The following TAFA1 variants were observed in gnomAD, a reference collection of about 807,000 sequenced individuals.
TAFA1 encodes chemokine-like protein TAFA-1.
TAFA1 carries 4 observed loss-of-function variants against 18.5 expected under a neutral mutation model. That is an observed-to-expected ratio of 0.22 (90% CI 0.11 to 0.49). TAFA1 has a LOEUF of 0.49. Ranked by LOEUF, TAFA1 falls within the 20% of genes least tolerant of loss-of-function variation. The pLI is 0.98. For missense variants in TAFA1, 147 were observed against 169.0 expected (o/e 0.87, Z 0.72); for synonymous variants, 56 against 55.2 (o/e 1.01, Z -0.06).
chr3:68,088,913 T>C (rs999615964), intron 2 of TAFA1, among the ~76,000 whole-genome samples: 1 of 152,102 alleles, frequency 6.6e-6, no homozygotes, highest in Non-Finnish European at 1.5e-5. Flanking sequence ...ATGGTAGAGC[T>C]GATCGGACAT....
At chr3:68,097,741 G>A (rs561532188) in intron 2 of TAFA1, among the ~76,000 whole-genome samples, 170 of 152,254 alleles carry the variant, frequency 1.1e-3, no homozygotes, top group African/African-American at 4.0e-3. Flanking sequence ...TGTTGAATGA[G>A]TGTATGCACA....
At chr3:68,459,119 G>C (rs895464522) in intron 3 of TAFA1, among the ~76,000 whole-genome samples, 2 of 152,148 alleles carry the variant, frequency 1.3e-5, no homozygotes, top group Admixed American at 6.6e-5. Context: ...CCGTCATTGA[G>C]TGCAGGGTGC....
chr3:68,532,880 A>AAATAATAAT lies in TAFA1; in HGVS notation c.260-5852_260-5844dup, dbSNP rs3037452. On this transcript the variant is annotated intron_variant, in intron 3 of 4. Coordinates refer to ENST00000478136, the MANE Select transcript of TAFA1 (RefSeq NM_213609.4). Reference sequence around the variant, plus strand: ...TTAGAGAATGTAGCTTTGTAAAGCAAAATAATAATAATAATAATAATAATA... The same window carrying AAATAATAAT: ...TTAGAGAATGTAGCTTTGTAAAGCAAAATAATAATAATAATAATAATAATAATAATAATA... Among the ~76,000 whole-genome samples the AAATAATAAT allele has an allele frequency of 3.0e-3, 433 of 146,440 alleles. 3 individuals carry two copies. The highest frequency in any genetic ancestry group is 0.01 in the African/African-American group (420 of 40,134).
chr3:68,093,910 T>C (rs1465293147), intron 2 of TAFA1, among the ~76,000 whole-genome samples: 1 of 152,134 alleles, frequency 6.6e-6, no homozygotes, highest in Non-Finnish European at 1.5e-5. Flanking sequence ...CTCATAGATC[T>C]AGTCACCAGG....
intron 2 of TAFA1, among the ~76,000 whole-genome samples, chr3:68,045,726 G>C (rs1705254485): frequency 6.6e-6 from 1 of 152,152 alleles, no homozygotes; most frequent in African/African-American, 2.4e-5. Flanking sequence ...GGGAGTGGTG[G>C]CACAGATGAT....
intron 2 of TAFA1, among the ~76,000 whole-genome samples, chr3:68,213,882 A>G (rs894974726): frequency 1.3e-5 from 2 of 152,016 alleles, no homozygotes; most frequent in Non-Finnish European, 2.9e-5. Flanking sequence ...AATCAATTCA[A>G]CCTTGACTTT....
At chr3:68,124,701 C>A (rs13085628) in intron 2 of TAFA1, among the ~76,000 whole-genome samples, 79,346 of 151,728 alleles carry the variant, frequency 0.52, 21,678 homozygotes, top group South Asian at 0.64. Flanking sequence ...GAGAAGGAAA[C>A]CAGTGGCTGG....
chr3:68,299,753 T>C (rs1014727913), intron 2 of TAFA1, among the ~76,000 whole-genome samples: 1 of 152,226 alleles, frequency 6.6e-6, no homozygotes, highest in Non-Finnish European at 1.5e-5. Context: ...GTCTTGGGAC[T>C]TGGTGTCCTG....
At chr3:68,270,473 T>C (rs1280285657) in intron 2 of TAFA1, among the ~76,000 whole-genome samples, 1 of 152,202 alleles carries the variant, frequency 6.6e-6, no homozygotes, top group African/African-American at 2.4e-5. Flanking sequence ...ACCATTCTTA[T>C]GTAAAATGTG....
chr3:68,467,397 G>C (rs771418861), intron 3 of TAFA1, among the ~76,000 whole-genome samples: 3 of 152,172 alleles, frequency 2.0e-5, no homozygotes, highest in Non-Finnish European at 2.9e-5. Context: ...GGCTTCAGCA[G>C]GTCCCTCCAT....
At chr3:68,126,690 A>G (rs144405172) in intron 2 of TAFA1, among the ~76,000 whole-genome samples, 1 of 152,238 alleles carries the variant, frequency 6.6e-6, no homozygotes, top group Admixed American at 6.5e-5. Context: ...CACAGTTAAC[A>G]TTACATCATG....
intron 2 of TAFA1, among the ~76,000 whole-genome samples, chr3:68,385,602 A>G (rs900343969): frequency 1.3e-5 from 2 of 152,098 alleles, no homozygotes. Flanking sequence ...TTAGTGCAAT[A>G]TGTGGCATGT....
intron 2 of TAFA1, among the ~76,000 whole-genome samples, chr3:68,390,027 G>A (rs369588168): frequency 1.8e-4 from 28 of 152,268 alleles, no homozygotes; most frequent in African/African-American, 6.5e-4. Context: ...CCTGGAAAGG[G>A]GGGTGAAGCA....
chr3:68,518,020 T>C (rs1328776849), intron 3 of TAFA1, among the ~76,000 whole-genome samples: 1 of 152,166 alleles, frequency 6.6e-6, no homozygotes, highest in Admixed American at 6.6e-5. Flanking sequence ...TTCTAACTCA[T>C]ACCTCTGGGT....
At chr3:68,059,883 A>C (rs1347676484) in intron 2 of TAFA1, among the ~76,000 whole-genome samples, 1 of 152,118 alleles carries the variant, frequency 6.6e-6, no homozygotes, top group African/African-American at 2.4e-5. Context: ...CCTAAGCCTA[A>C]ATTGCTGGGT....
At chr3:68,448,675 G>A (rs966146026) in intron 3 of TAFA1, among the ~76,000 whole-genome samples, 1 of 151,856 alleles carries the variant, frequency 6.6e-6, no homozygotes, top group Non-Finnish European at 1.5e-5. Context: ...AAAGTACATT[G>A]AGTACTTCAA....
At chr3:68,285,756 G>A (rs1299949374) in intron 2 of TAFA1, among the ~76,000 whole-genome samples, 1 of 152,106 alleles carries the variant, frequency 6.6e-6, no homozygotes, top group Non-Finnish European at 1.5e-5. Context: ...ATTTTTGAGT[G>A]TGATCATGCA....
At chr3:68,137,683 A>C (rs993843695) in intron 2 of TAFA1, among the ~76,000 whole-genome samples, 11 of 152,198 alleles carry the variant, frequency 7.2e-5, no homozygotes, top group Admixed American at 5.9e-4. Context: ...ACGTCCTTTG[A>C]ACCTGTGGTT....
chr3:68,417,926 C>A (rs1157211668), intron 3 of TAFA1, among the ~76,000 whole-genome samples: 1 of 152,042 alleles, frequency 6.6e-6, no homozygotes, highest in African/African-American at 2.4e-5. Flanking sequence ...TTTAAACAAC[C>A]AGATCTTGTG....
Sources: gnomAD v4.1 joint callset for allele counts (sites outside exome capture counted in the v4.1 genomes callset) on GRCh38, gnomAD v4.1.1 for gene constraint, MANE v1.5 for transcripts, NCBI Gene and HGNC (gene_info 2026-07-23, HGNC 2026-07-21) for gene names.